Variants in DST observed in about 807,000 individuals in gnomAD.
The protein encoded by DST is bullous pemphigoid antigen.
DST carries 253 observed loss-of-function variants against 875.2 expected under a neutral mutation model. The ratio of observed to expected loss-of-function variants is 0.29; its 90% CI spans 0.26 to 0.32. The LOEUF (loss-of-function observed/expected upper bound fraction) is 0.32. DST is among the 10% of genes least tolerant of loss of function. The probability of loss-of-function intolerance (pLI) is 1.00; values close to 1 mark genes in which losing one functional copy is unlikely to be tolerated. For missense variants in DST, 8,287 were observed against 9,111.6 expected, an observed-to-expected ratio of 0.91 and a Z score of 3.68; for synonymous variants, 3,124 against 3,197.1, an observed-to-expected ratio of 0.98 and a Z score of 0.77.
intron 2 of DST, among the ~76,000 whole-genome samples, chr6:56,908,601 C>G (rs1443678048): frequency 6.6e-6 from 1 of 152,180 alleles, no homozygotes; most frequent in East Asian, 1.9e-4. Context: ...ACCAGAGCAA[C>G]TCCACCTTAA....
chr6:56,536,210 C>T (rs1039853164), intron 62 of DST, among the ~76,000 whole-genome samples: 1 of 152,146 alleles, frequency 6.6e-6, no homozygotes, highest in Middle Eastern at 3.2e-3. Context: ...CTAGTGTTTT[C>T]TCTCATGGGA....
In DST at chr6:56,598,556, G is replaced by T; in HGVS notation, c.11848C>A (p.Gln3950Lys). ...GACTGTTCTGCTTTTAAATTAAGCT[G>T]TTCACACTTTATCTTAGCTTCATTA... ...KLNEAKIKCE[Q>K]LNLKAEQSKK... is the part of the protein sequence containing the mutation. The change falls in exon 46 of 104, where the codon CAG becomes AAG. Residue 3950 changes from glutamine (Q) to lysine (K), a missense_variant. Gln to Lys is a moderately conservative substitution (Grantham distance 53). This residue lies in a region of DST where 1,513 missense variants were observed against 1,677.8 expected (regional missense o/e 0.90). Coordinates refer to ENST00000680361, the MANE Select transcript of DST (RefSeq NM_001374736.1). 1 of 1,610,960 alleles carries T rather than the reference G, an allele frequency of 6.2e-7. No homozygotes were observed. Among genetic ancestry groups the T allele is most frequent in the Non-Finnish European group, 8.5e-7 (1 of 1,178,340 alleles).
At chr6:56,647,052 T>G (rs571971299) in intron 13 of DST, among the ~76,000 whole-genome samples, 1 of 152,338 alleles carries the variant, frequency 6.6e-6, no homozygotes, top group Admixed American at 6.5e-5. Context: ...CAGCAAGTAC[T>G]CTGATCACTT....
In DST at chr6:56,504,097, G is replaced by A. The variant is rs766294952; in HGVS notation, c.19466C>T (p.Ala6489Val). 21 of 1,603,620 alleles carry A rather than the reference G, an allele frequency of 1.3e-5. No homozygotes were observed. Among genetic ancestry groups the A allele is most frequent in the Admixed American group, 1.7e-5 (1 of 58,594 alleles). ...AAVQYQDGLQ[A>V]VFDWVDIAGG... ...TGCAATATCTACCCAGTCAAATACCGCCTGAAAGACACATTCGCCCACGTG... is the reference window on the plus strand; with the variant it reads ...TGCAATATCTACCCAGTCAAATACCACCTGAAAGACACATTCGCCCACGTG... The change falls in exon 78 of 104, where the codon GCG becomes GTG. Residue 6489 changes from alanine (A) to valine (V), a missense_variant and splice_region_variant. By Grantham distance (64) the Ala-to-Val change is moderately conservative (BLOSUM62 0). Coordinates refer to ENST00000680361, the MANE Select transcript of DST (RefSeq NM_001374736.1).
chr6:56,882,826 T>C (rs1271716123), intron 3 of DST, among the ~76,000 whole-genome samples: 2 of 152,226 alleles, frequency 1.3e-5, no homozygotes, highest in Non-Finnish European at 2.9e-5. Context: ...ATCGTTTAAA[T>C]TTCAGCAAGA....
chr6:56,492,108 C>T (rs1364161352), intron 85 of DST, 119 bp downstream of exon 85: 2 of 911,290 alleles, frequency 2.2e-6, no homozygotes, highest in Non-Finnish European at 3.3e-6. Flanking sequence ...CACCATGGCA[C>T]CATGCCATGA....
chr6:56,535,377 T>C, intron 62 of DST, 85 bp from the exon 63 acceptor site: 1 of 1,405,400 alleles, frequency 7.1e-7, no homozygotes, highest in Non-Finnish European at 9.4e-7. Context: ...TACATGCTTA[T>C]TTTCCCGTGT....
intron 103 of DST, among the ~76,000 whole-genome samples, 200 bp downstream of exon 103, chr6:56,459,931 C>T (rs2094240489): frequency 1.3e-5 from 2 of 152,144 alleles, no homozygotes; most frequent in Non-Finnish European, 2.9e-5. Context: ...GTAATTCTTT[C>T]ATCTTTCTTG....
rs530999816 is a variant in DST, at chr6:56,537,830, G to A, written c.16609-890C>T. ...AAAGCAGAAATTTGTTTTCCTTACA[G>A]TAGTTCTATGACCTGGGCCTACCAT... On this transcript the variant is annotated intron_variant, in intron 61 of 103. Coordinates refer to ENST00000680361, the MANE Select transcript of DST (RefSeq NM_001374736.1). Among the ~76,000 whole-genome samples, 19 of 152,270 alleles carry A rather than the reference G, an allele frequency of 1.2e-4. No homozygotes were observed. In the South Asian group the frequency reaches 3.9e-3, roughly 32 times the overall value.
chr6:56,806,856 C>T (rs1279140257), intron 4 of DST, among the ~76,000 whole-genome samples: 1 of 152,178 alleles, frequency 6.6e-6, no homozygotes, highest in Non-Finnish European at 1.5e-5. Flanking sequence ...GAAGATGACG[C>T]TCACAGAAGC....
chr6:56,546,347 CATATATATATATATAT>C (rs10617867), intron 61 of DST, among the ~76,000 whole-genome samples: 1,850 of 72,648 alleles, frequency 0.025, 42 homozygotes, highest in Non-Finnish European at 0.03. Context: ...ATACATATTT[CATATATATATATATAT>C]ATATATATAT....
intron 5 of DST, among the ~76,000 whole-genome samples, chr6:56,708,390 G>A (rs2099349637): frequency 1.3e-5 from 2 of 151,288 alleles, no homozygotes; most frequent in South Asian, 4.2e-4. Flanking sequence ...AAGAATTTTA[G>A]AAGAAAATGC....
chr6:56,779,594 T>C (rs1214913073), intron 4 of DST, among the ~76,000 whole-genome samples: 1 of 152,046 alleles, frequency 6.6e-6, no homozygotes, highest in Non-Finnish European at 1.5e-5. Context: ...GTTTCAGCTT[T>C]CTACATATAG....
At chr6:56,807,196 G>T (rs1322819542) in intron 4 of DST, among the ~76,000 whole-genome samples, 1 of 152,062 alleles carries the variant, frequency 6.6e-6, no homozygotes, top group African/African-American at 2.4e-5. Flanking sequence ...GACTAGAGGT[G>T]TGTGTTTTTT....
chr6:56,868,606 T>C (rs982556241), intron 3 of DST, among the ~76,000 whole-genome samples: 1 of 152,242 alleles, frequency 6.6e-6, no homozygotes, highest in African/African-American at 2.4e-5. Context: ...TTTTTTAGAA[T>C]GTTGTTAACT....
rs201866780 is a variant in DST, at chr6:56,642,763, C to A, written c.1779-260G>T. ...GTTACTAAACACAGAATCACTGCTA[C>A]GGTAACTATAACTACTACTGTGCAT... On this transcript the variant is annotated intron_variant, in intron 15 of 103. Coordinates refer to ENST00000680361, the MANE Select transcript of DST (RefSeq NM_001374736.1). The A allele has an allele frequency of 2.4e-5, 38 of 1,614,070 alleles. No individual in the cohort carries two copies. The highest frequency in any genetic ancestry group is 1.7e-5 in the Admixed American group (1 of 60,014).
In DST at chr6:56,605,791, A is replaced by ATAT. The variant is rs780562931; in HGVS notation, c.8834_8836dup (p.Asn2945dup). 6.2e-7 allele frequency: 1 copy of ATAT among 1,612,588 alleles called. No homozygotes were observed. The highest frequency in any genetic ancestry group is 8.5e-7 in the Non-Finnish European group (1 of 1,179,246). On this transcript the variant is annotated inframe_insertion, in exon 40 of 104. Transcript: ENST00000680361. ...AGTACCTAATTCAGAAGTTGAACTGATATTATTATTATCATGTGAAATACT... is the reference window on the plus strand; with the variant it reads ...AGTACCTAATTCAGAAGTTGAACTGATATTATTATTATTATCATGTGAAATACT...
intron 4 of DST, among the ~76,000 whole-genome samples, chr6:56,832,133 G>A (rs2153061817): frequency 6.6e-6 from 1 of 152,152 alleles, no homozygotes; most frequent in East Asian, 1.9e-4. Context: ...TTCCAAAAAG[G>A]TTCAAAGAAA....
At chr6:56,534,391 T>C (rs1336364345) in intron 63 of DST, among the ~76,000 whole-genome samples, 1 of 152,160 alleles carries the variant, frequency 6.6e-6, no homozygotes, top group Non-Finnish European at 1.5e-5. Context: ...AAATACTTCA[T>C]ACCCGACCAT....
Sources: gnomAD v4.1 joint callset for allele counts (sites outside exome capture counted in the v4.1 genomes callset) on GRCh38, gnomAD v4.1.1 for gene constraint, gnomAD v4.1.1 regional missense constraint, MANE v1.5 for transcripts, NCBI Gene and HGNC (gene_info 2026-07-23, HGNC 2026-07-21) for gene names.